The following ITGB2 variants were observed in gnomAD, a reference collection of about 807,000 sequenced individuals.
ITGB2 encodes the protein integrin beta-2.
A neutral mutation model predicts 86.8 loss-of-function variants in ITGB2; 56 were observed. The ratio of observed to expected loss-of-function variants is 0.65; its 90% confidence interval spans 0.52 to 0.81. The LOEUF (loss-of-function observed/expected upper bound fraction) is 0.81, where lower values mean the gene tolerates loss of function less well. Ranked by LOEUF, ITGB2 falls within the 30% of genes least tolerant of loss-of-function variation. The pLI, the probability that ITGB2 is intolerant of heterozygous loss-of-function variation, is 0.00. For synonymous variants in ITGB2, 457 were observed against 450.4 expected (o/e 1.01, Z -0.19); for missense variants, 948 against 1,061.2 (o/e 0.89, Z 1.48).
At chr21:44,903,898 G>T (rs2084003876) in intron 4 of ITGB2, among the ~76,000 whole-genome samples, 1 of 152,210 alleles carries the variant, frequency 6.6e-6, no homozygotes, top group South Asian at 2.1e-4. Flanking sequence ...TCCCACGGGC[G>T]CCCTCATCAG....
rs530354496 is a variant in ITGB2 at position 44,901,483 on chromosome 21, C to T, written c.741+9G>A. 13 of 1,613,384 alleles carry T rather than the reference C, an allele frequency of 8.1e-6. No individual in the cohort carries two copies. The highest frequency in any genetic ancestry group is 5.5e-5 in the South Asian group (5 of 91,004). ...AACGTGGGGACCCAAGCAGGGGCAG[C>T]GGCCTCACCGGGCAGGCGGCGACCT... On this transcript the variant is annotated intron_variant, in intron 6 of 15. Transcript: ENST00000652462.
Position 44,906,998 on chromosome 21 carries a change from G to C in ITGB2, c.245C>G (p.Thr82Arg), listed in dbSNP as rs1430244491. ...GTCTTCCTGGGTTTCAGCGAGGCTTGTGGGGTCCATGATGTCGTCAGCCGC... is the reference window on the plus strand; with the variant it reads ...GTCTTCCTGGGTTTCAGCGAGGCTTCTGGGGTCCATGATGTCGTCAGCCGC... ...GCAADDIMDP[T>R]SLAETQEDHN... Residue 82 changes from threonine to arginine, a missense_variant, in exon 4 of 16, where the codon ACA becomes AGA. By Grantham distance (71) the Thr-to-Arg change is moderately conservative. Transcript: ENST00000652462. 1.2e-6 allele frequency: 2 copies of C among 1,614,082 alleles called. No homozygotes were observed. The highest frequency in any genetic ancestry group is 3.3e-5 in the Admixed American group (2 of 60,010).
chr21:44,888,866 T>C lies in ITGB2; in HGVS notation c.1907A>G (p.Lys636Arg), dbSNP rs765597466. The C allele has an allele frequency of 6.2e-7, 1 of 1,607,912 alleles. No homozygotes were observed. ...ISCAECLKFE[K>R]GPFGKNCSAA... ...GCTGCAGTTCTTCCCAAAGGGGCCC[T>C]TTTCGAACTTCAGGCACTCGGCGCA... Residue 636 changes from lysine to arginine, a missense_variant, in exon 14 of 16, where the codon AAG becomes AGG. Transcript: ENST00000652462.
chr21:44,899,142 C>T lies in ITGB2; in HGVS notation c.918G>A (p.Gln306=). 1.2e-6 allele frequency: 2 copies of T among 1,614,118 alleles called. No homozygotes were observed. Among genetic ancestry groups the T allele is most frequent in the South Asian group, 2.2e-5 (2 of 91,080 alleles). ...SNEFDYPSVG[Q]LAHKLAENNI... ...TGTTTTCAGCCAGCTTGTGCGCCAG[C>T]TGGCCCACCGATGGGTAGTCCTGGA... The change falls in exon 8 of 16, where the codon CAG becomes CAA. Residue 306 remains glutamine, a synonymous_variant. Coordinates refer to ENST00000652462, the MANE Select transcript of ITGB2 (RefSeq NM_000211.5).
At chr21:44,914,468 A>G (rs1471930194) in intron 1 of ITGB2, among the ~76,000 whole-genome samples, 1 of 152,208 alleles carries the variant, frequency 6.6e-6, no homozygotes, top group African/African-American at 2.4e-5. Flanking sequence ...CCGGGCACCA[A>G]ATGGACACAG....
intron 5 of ITGB2, 74 bp from the exon 6 acceptor site, chr21:44,901,807 G>C: frequency 6.6e-7 from 1 of 1,511,156 alleles, no homozygotes; most frequent in Non-Finnish European, 9.0e-7. Flanking sequence ...AAAGGGGCAC[G>C]AGGGCAAGCC....
chr21:44,916,736 C>T (rs537147390), intron 1 of ITGB2, among the ~76,000 whole-genome samples: 25 of 151,936 alleles, frequency 1.6e-4, no homozygotes, highest in South Asian at 1.2e-3. Context: ...GGCTTGGTGG[C>T]GGGCGCCTGT....
intron 1 of ITGB2, among the ~76,000 whole-genome samples, chr21:44,918,976 T>C (rs2084252426): frequency 6.6e-6 from 1 of 152,152 alleles, no homozygotes; most frequent in African/African-American, 2.4e-5. Context: ...GCGTCCCCTC[T>C]CCCAGCACTC....
chr21:44,896,225 T>C (rs1245188241), intron 8 of ITGB2, among the ~76,000 whole-genome samples: 1 of 152,238 alleles, frequency 6.6e-6, no homozygotes, highest in Non-Finnish European at 1.5e-5. Flanking sequence ...TTGGCCAGAA[T>C]TTCCACCACA....
intron 12 of ITGB2, 44 bp downstream of exon 12, chr21:44,889,934 G>A (rs1406774629): frequency 1.2e-6 from 2 of 1,610,520 alleles, no homozygotes; most frequent in South Asian, 1.1e-5. Context: ...CACCAAGTCT[G>A]TGCCGCAGGA....
rs758252931 is a variant in ITGB2, at chr21:44,910,433, G to A, written c.59-61C>T. 5.6e-6 allele frequency: 9 copies of A among 1,611,598 alleles called. No homozygotes were observed. The South Asian group carries it at 8.8e-5, about 16-fold the overall frequency. ...GGGCCGCCCTGCCCACACCCAAGGGGGAGTAGAGCAGGAAGGTCAGAGGAG... is the reference window on the plus strand; with the variant it reads ...GGGCCGCCCTGCCCACACCCAAGGGAGAGTAGAGCAGGAAGGTCAGAGGAG... On this transcript the variant is annotated intron_variant, in intron 2 of 15. Coordinates refer to ENST00000652462, the MANE Select transcript of ITGB2 (RefSeq NM_000211.5).
Position 44,890,077 on chromosome 21 carries a change from G to C in ITGB2, c.1558C>G (p.His520Asp). ...AGCTTGCCGGGGACGTCGCTGGTGT[G>C]GCACAGGCACTGCCCGCAGACACAG... ...GDCVCGQCLCHTSDVPGKLIY... is the reference protein window; with the variant it reads ...GDCVCGQCLCDTSDVPGKLIY... The change falls in exon 12 of 16, where the codon CAC becomes GAC. Residue 520 changes from histidine (H) to aspartate (D), a missense_variant. By Grantham distance (81) the His-to-Asp change is moderately conservative (BLOSUM62 -1). Coordinates refer to ENST00000652462, the MANE Select transcript of ITGB2 (RefSeq NM_000211.5). The C allele has an allele frequency of 6.2e-7, 1 of 1,613,476 alleles. No homozygotes were observed. Among genetic ancestry groups the C allele is most frequent in the South Asian group, 1.1e-5 (1 of 91,084 alleles).
intron 3 of ITGB2, among the ~76,000 whole-genome samples, chr21:44,908,484 G>A (rs1053665081): frequency 6.6e-6 from 1 of 152,054 alleles, no homozygotes; most frequent in Admixed American, 6.6e-5. Context: ...AAAAAGCATT[G>A]CAAAACTTTC....
intron 12 of ITGB2, 86 bp from the exon 13 acceptor site, chr21:44,889,581 G>A (rs2083755170): frequency 1.7e-6 from 2 of 1,187,336 alleles, no homozygotes; most frequent in Admixed American, 2.0e-5. Flanking sequence ...GCTCCCTCCG[G>A]CCCGCCTGCC....
intron 11 of ITGB2, among the ~76,000 whole-genome samples, chr21:44,890,710 C>T (rs1162528685): frequency 6.6e-6 from 1 of 152,176 alleles, no homozygotes. Flanking sequence ...CATCAAGCCG[C>T]TGGCAGGCAG....
At position 44,907,734 on chromosome 21, in the gene ITGB2, G is replaced by A. The variant is rs112485113; in HGVS notation, c.148-639C>T. On this transcript the variant is annotated intron_variant, in intron 3 of 15. Coordinates refer to ENST00000652462, the MANE Select transcript of ITGB2 (RefSeq NM_000211.5). Reference sequence around the variant, plus strand: ...GCTGGTGATGCGGGGCCAGAAGCGCGTGTTTGTGCACTTGCTTTCGTAGAG... The same window carrying A: ...GCTGGTGATGCGGGGCCAGAAGCGCATGTTTGTGCACTTGCTTTCGTAGAG... Among the ~76,000 whole-genome samples, 197 of 152,332 alleles carry A rather than the reference G, an allele frequency of 1.3e-3. 1 individual carries two copies. The highest frequency in any genetic ancestry group is 4.5e-3 in the African/African-American group (189 of 41,582).
chr21:44,916,740 C>T (rs975116541), intron 1 of ITGB2, among the ~76,000 whole-genome samples: 16 of 151,558 alleles, frequency 1.1e-4, no homozygotes, highest in Admixed American at 4.6e-4. Context: ...TGGTGGCGGG[C>T]GCCTGTAATC....
At position 44,900,402 on chromosome 21, in the gene ITGB2, T is replaced by C; in HGVS notation, c.815A>G (p.Asp272Gly). The change falls in exon 7 of 16, where the codon GAC (aspartate) becomes GGC (glycine). Residue 272 changes from aspartate (D) to glycine (G), a missense_variant. Physicochemically the swap from Asp to Gly is moderately conservative, Grantham distance 94 (BLOSUM62 -1). Coordinates refer to ENST00000652462, the MANE Select transcript of ITGB2 (RefSeq NM_000211.5). ...ATDDGFHFAG[D>G]GKLGAILTPN... ...GGTCAGGATGGCGCCCAGCTTCCCG[T>C]CGCCCGCGAAATGGAAGCCGTCATC... The C allele has an allele frequency of 6.2e-7, 1 of 1,613,986 alleles. No individual in the cohort carries two copies. Among genetic ancestry groups the C allele is most frequent in the Non-Finnish European group, 8.5e-7 (1 of 1,179,922 alleles).
chr21:44,906,502 A>C (rs1049865840), intron 4 of ITGB2, among the ~76,000 whole-genome samples: 1 of 152,170 alleles, frequency 6.6e-6, no homozygotes, highest in African/African-American at 2.4e-5. Context: ...TGGTCAAGTC[A>C]GTTTGGGCAA....
Sources: allele counts gnomAD v4.1 joint callset (sites outside exome capture counted in the v4.1 genomes callset), GRCh38; gene constraint gnomAD v4.1.1; transcripts MANE v1.5; gene names NCBI Gene and HGNC (gene_info 2026-07-23, HGNC 2026-07-21).